Variants in PDZRN3 observed in about 807,000 individuals in gnomAD.
The protein encoded by PDZRN3 is E3 ubiquitin-protein ligase PDZRN3.
In PDZRN3, 38 loss-of-function variants were observed where a neutral mutation model predicts 85.7. The observed-to-expected ratio is 0.44, with a 90% CI of 0.34 to 0.58. PDZRN3 has a LOEUF of 0.58. Ranked by LOEUF, PDZRN3 falls within the 20% of genes least tolerant of loss-of-function variation. PDZRN3 has a pLI of 0.01. For missense variants in PDZRN3, 1,629 were observed against 1,506.4 expected (o/e 1.08, Z -1.35); for synonymous variants, 759 against 638.0 (o/e 1.19, Z -2.86).
intron 3 of PDZRN3, among the ~76,000 whole-genome samples, chr3:73,497,806 T>TC (rs138761300): frequency 0.037 from 5,340 of 145,908 alleles, 239 homozygotes; most frequent in African/African-American, 0.11. Flanking sequence ...GCGCCCCCCG[T>TC]CCCCGCCCCC....
intron 3 of PDZRN3, among the ~76,000 whole-genome samples, chr3:73,578,851 T>C (rs1320182561): frequency 6.6e-6 from 1 of 152,168 alleles, no homozygotes; most frequent in Non-Finnish European, 1.5e-5. Flanking sequence ...TCTCCATTCT[T>C]GAACTGTGTG....
Position 73,425,865 on chromosome 3 carries a change from A to G in PDZRN3, c.919-21470T>C, listed in dbSNP as rs112512325. Among the ~76,000 whole-genome samples, 400 of 152,318 alleles carry G rather than the reference A, an allele frequency of 2.6e-3. 1 individual carries two copies. Among genetic ancestry groups the G allele is most frequent in the African/African-American group, 8.9e-3 (371 of 41,578 alleles). ...ATGTGGTGTCTATAAATCATGACCTATCATTATGGTGATAGCTATACAGCT... is the reference window on the plus strand; with the variant it reads ...ATGTGGTGTCTATAAATCATGACCTGTCATTATGGTGATAGCTATACAGCT... On this transcript the variant is annotated intron_variant, in intron 3 of 9. Transcript: ENST00000263666.
intron 3 of PDZRN3, among the ~76,000 whole-genome samples, chr3:73,559,921 T>C (rs1474306491): frequency 2.0e-5 from 3 of 152,232 alleles, no homozygotes; most frequent in Admixed American, 1.3e-4. Context: ...CCAGAGAACA[T>C]GTGAGCACCC....
chr3:73,572,973 G>A (rs569264062), intron 3 of PDZRN3, among the ~76,000 whole-genome samples: 37 of 152,322 alleles, frequency 2.4e-4, no homozygotes, highest in Non-Finnish European at 5.0e-4. Context: ...TTAGCAAAAG[G>A]GAGGTTTTAG....
intron 3 of PDZRN3, among the ~76,000 whole-genome samples, chr3:73,504,129 T>A (rs6549546): frequency 1 from 152,304 of 152,356 alleles, 76,126 homozygotes; most frequent in Middle Eastern, 1. Context: ...TCTTGAGTAC[T>A]TTATTATTCT....
intron 2 of PDZRN3, among the ~76,000 whole-genome samples, chr3:73,603,886 T>TACACACACAC (rs370554640): frequency 1.7e-4 from 24 of 144,952 alleles, no homozygotes; most frequent in African/African-American, 5.8e-4. Context: ...CACACACACA[T>TACACACACAC]ACACACACAC....
chr3:73,470,298 C>T (rs942988101), intron 3 of PDZRN3, among the ~76,000 whole-genome samples: 58 of 152,132 alleles, frequency 3.8e-4, no homozygotes, highest in Non-Finnish European at 7.2e-4. Flanking sequence ...GTGAAATTGC[C>T]GTGTAAACTA....
At chr3:73,450,952 T>A (rs1241472146) in intron 3 of PDZRN3, among the ~76,000 whole-genome samples, 1 of 151,344 alleles carries the variant, frequency 6.6e-6, no homozygotes, top group Non-Finnish European at 1.5e-5. Context: ...AGCTGGCACA[T>A]CTCAAATTTC....
intron 3 of PDZRN3, among the ~76,000 whole-genome samples, chr3:73,453,053 G>T (rs1702899010): frequency 6.6e-6 from 1 of 152,052 alleles, no homozygotes; most frequent in Admixed American, 6.6e-5. Context: ...GGAGTATGGG[G>T]GCAAGAGAAA....
intron 3 of PDZRN3, among the ~76,000 whole-genome samples, chr3:73,589,819 G>C (rs1702327787): frequency 6.6e-6 from 1 of 152,082 alleles, no homozygotes; most frequent in Non-Finnish European, 1.5e-5. Context: ...ACAAAATGAA[G>C]GCAAAATCTC....
At chr3:73,605,478 G>C (rs909001165) in intron 2 of PDZRN3, among the ~76,000 whole-genome samples, 1 of 152,140 alleles carries the variant, frequency 6.6e-6, no homozygotes, top group East Asian at 1.9e-4. Context: ...AGGGTTATGA[G>C]GACTAACAAA....
chr3:73,597,445 T>C (rs1559752753), intron 3 of PDZRN3, among the ~76,000 whole-genome samples: 2 of 152,190 alleles, frequency 1.3e-5, no homozygotes, highest in Non-Finnish European at 2.9e-5. Context: ...TTACAGAAGA[T>C]TGTACGAAAT....
chr3:73,461,285 T>A lies in PDZRN3; in HGVS notation c.919-56890A>T, dbSNP rs916271380. Among the ~76,000 whole-genome samples, 7 of 152,232 alleles carry A rather than the reference T, an allele frequency of 4.6e-5. No homozygotes were observed. The East Asian group carries it at 1.2e-3, about 25-fold the overall frequency. ...ATTAGCCAGGCTTATTCTACATGTA[T>A]ATGTTTTTATTTTTAGCATTTTGCA... On this transcript the variant is annotated intron_variant, in intron 3 of 9. Coordinates refer to ENST00000263666, the MANE Select transcript of PDZRN3 (RefSeq NM_015009.3).
intron 3 of PDZRN3, among the ~76,000 whole-genome samples, chr3:73,422,631 G>A (rs1702227067): frequency 1.3e-5 from 2 of 152,164 alleles, no homozygotes; most frequent in Admixed American, 1.3e-4. Flanking sequence ...AGTTGGTTCT[G>A]AGACTTCATG....
At chr3:73,384,953 G>C (rs1026511887) in intron 9 of PDZRN3, 23 bp from the exon 10 acceptor site, 9 of 1,568,868 alleles carry the variant, frequency 5.7e-6, no homozygotes, top group Non-Finnish European at 7.8e-6. Flanking sequence ...AAGAACAAAG[G>C]GTCACAGTGA....
intron 1 of PDZRN3, among the ~76,000 whole-genome samples, chr3:73,611,348 G>A (rs1447704954): frequency 1.3e-5 from 2 of 152,094 alleles, no homozygotes; most frequent in Non-Finnish European, 2.9e-5. Flanking sequence ...CTCTCCCAAG[G>A]GACAATTAAG....
At chr3:73,556,032 C>T (rs1000953390) in intron 3 of PDZRN3, among the ~76,000 whole-genome samples, 4 of 152,038 alleles carry the variant, frequency 2.6e-5, no homozygotes, top group Non-Finnish European at 4.4e-5. Context: ...AGAAATGCTC[C>T]CCACCTCCCA....
At chr3:73,461,651 C>A (rs1703106049) in intron 3 of PDZRN3, among the ~76,000 whole-genome samples, 1 of 152,168 alleles carries the variant, frequency 6.6e-6, no homozygotes, top group East Asian at 1.9e-4. Context: ...GTGACTTTTT[C>A]TTTTAAAATG....
At chr3:73,565,793 ACACAC>A (rs1559741104) in intron 3 of PDZRN3, among the ~76,000 whole-genome samples, 6,023 of 145,090 alleles carry the variant, frequency 0.042, 193 homozygotes, top group African/African-American at 0.079. Context: ...CAAAACACAC[ACACAC>A]ACACACACAC....
Sources: allele counts gnomAD v4.1 joint callset (sites outside exome capture counted in the v4.1 genomes callset), GRCh38; gene constraint gnomAD v4.1.1; transcripts MANE v1.5; gene names NCBI Gene and HGNC (gene_info 2026-07-23, HGNC 2026-07-21).